RUNX1T1: variants seen among roughly 807,000 people sequenced by gnomAD.
RUNX1T1 encodes protein CBFA2T1.
Under a neutral mutation model 62.8 loss-of-function variants are expected in RUNX1T1, and 4 were observed. That is an observed-to-expected ratio of 0.06 (90% confidence interval 0.03 to 0.15). RUNX1T1 has a LOEUF of 0.15. RUNX1T1 is among the 10% of genes least tolerant of loss of function. RUNX1T1 has a pLI of 1.00. For missense variants in RUNX1T1, 508 were observed against 754.3 expected, an observed-to-expected ratio of 0.67 and a Z score of 3.82; for synonymous variants, 291 against 286.0, an observed-to-expected ratio of 1.02 and a Z score of -0.18.
At chr8:92,039,742 A>G (rs1235339634) in intron 1 of RUNX1T1, among the ~76,000 whole-genome samples, 2 of 152,210 alleles carry the variant, frequency 1.3e-5, no homozygotes, top group African/African-American at 4.8e-5. Flanking sequence ...CCAATTGCTC[A>G]TATCAGAATC....
intron 8 of RUNX1T1, among the ~76,000 whole-genome samples, chr8:91,978,407 C>A (rs982363279): frequency 3.9e-5 from 6 of 152,122 alleles, no homozygotes; most frequent in African/African-American, 1.4e-4. Flanking sequence ...TTGCTATTAT[C>A]CTCATTATTA....
intron 1 of RUNX1T1, among the ~76,000 whole-genome samples, chr8:92,037,583 G>A (rs993318822): frequency 3.3e-5 from 5 of 152,180 alleles, no homozygotes; most frequent in Admixed American, 2.6e-4. Context: ...GGTGGCTAAT[G>A]TGGGAGGACT....
intron 2 of RUNX1T1, among the ~76,000 whole-genome samples, chr8:92,074,426 C>G (rs1834126823): frequency 6.6e-6 from 1 of 152,040 alleles, no homozygotes; most frequent in African/African-American, 2.4e-5. Flanking sequence ...GTCCAATATC[C>G]TTTTTGATTT....
At chr8:92,099,535 C>A in intron 1 of RUNX1T1, 1 of 730,492 alleles carries the variant, frequency 1.4e-6, no homozygotes, top group Non-Finnish European at 1.7e-6. Context: ...AATGCCCAAA[C>A]AGCAACAAAT....
intron 1 of RUNX1T1, among the ~76,000 whole-genome samples, chr8:92,078,527 C>T (rs1204456629): frequency 6.6e-6 from 1 of 151,980 alleles, no homozygotes; most frequent in Non-Finnish European, 1.5e-5. Context: ...AGCAGAATGC[C>T]TCAAACAATT....
At chr8:92,049,051 T>C (rs1487166994) in intron 1 of RUNX1T1, among the ~76,000 whole-genome samples, 5 of 152,178 alleles carry the variant, frequency 3.3e-5, no homozygotes, top group African/African-American at 1.2e-4. Flanking sequence ...AATGTACCTA[T>C]CTCACCTGAT....
At chr8:92,103,356 C>G (rs540589109), upstream of RUNX1T1, 2 of 180,396 alleles carry the variant, frequency 1.1e-5, no homozygotes, top group South Asian at 2.0e-4. Context: ...GCAGGAGCGC[C>G]GCGCGCTGTG....
chr8:91,982,348 G>A (rs1396206433), intron 8 of RUNX1T1, among the ~76,000 whole-genome samples: 1 of 151,608 alleles, frequency 6.6e-6, no homozygotes, highest in Non-Finnish European at 1.5e-5. Flanking sequence ...ATAGTCAAAA[G>A]CCAGTAAAAA....
exon 1 of RUNX1T1, chr8:92,062,903 A>T: frequency 7.6e-7 from 1 of 1,324,350 alleles, no homozygotes; most frequent in Non-Finnish European, 9.7e-7. Flanking sequence ...CAAGTTTCAG[A>T]GCACCAAAAA....
At chr8:91,991,404 A>G (rs1000207248) in intron 6 of RUNX1T1, among the ~76,000 whole-genome samples, 2 of 152,202 alleles carry the variant, frequency 1.3e-5, no homozygotes, top group Admixed American at 6.5e-5. Flanking sequence ...GCCCTCCTCC[A>G]AAGAAATTTA....
chr8:91,991,019 C>G (rs1817566736), intron 6 of RUNX1T1, among the ~76,000 whole-genome samples: 1 of 152,182 alleles, frequency 6.6e-6, no homozygotes, highest in South Asian at 2.1e-4. Context: ...AAATAGAACA[C>G]ATATTTGCCC....
chr8:92,096,622 C>CT (rs1321149807), intron 1 of RUNX1T1, among the ~76,000 whole-genome samples: 1 of 152,146 alleles, frequency 6.6e-6, no homozygotes, highest in Non-Finnish European at 1.5e-5. Flanking sequence ...GGCACTGAAG[C>CT]TTGGTTAAGA....
At chr8:92,088,344 T>C (rs1257808695) in intron 1 of RUNX1T1, among the ~76,000 whole-genome samples, 1 of 152,210 alleles carries the variant, frequency 6.6e-6, no homozygotes, top group Non-Finnish European at 1.5e-5. Flanking sequence ...CCCTGACCTG[T>C]CTTACAGTTC....
At chr8:92,001,413 C>A (rs549214070) in intron 5 of RUNX1T1, among the ~76,000 whole-genome samples, 3 of 152,210 alleles carry the variant, frequency 2.0e-5, no homozygotes, top group Admixed American at 2.0e-4. Context: ...TAAGATCCCT[C>A]CCAGCTGACA....
chr8:92,101,474 A>C (rs1017525329), upstream of RUNX1T1, among the ~76,000 whole-genome samples: 4 of 152,110 alleles, frequency 2.6e-5, no homozygotes, highest in African/African-American at 9.7e-5. Context: ...CTATTCCTTA[A>C]AGCGACCTTC....
At chr8:91,967,278 C>A (rs1183891728) in intron 10 of RUNX1T1, among the ~76,000 whole-genome samples, 1 of 152,142 alleles carries the variant, frequency 6.6e-6, no homozygotes, top group Non-Finnish European at 1.5e-5. Flanking sequence ...TCCCATGAGC[C>A]TGGGATGGCC....
At chr8:92,066,714 T>C (rs746161584), upstream of RUNX1T1, among the ~76,000 whole-genome samples, 4 of 152,222 alleles carry the variant, frequency 2.6e-5, no homozygotes, top group Non-Finnish European at 4.4e-5. Flanking sequence ...GATTGTCCCC[T>C]GACAAAGATA....
upstream of RUNX1T1, among the ~76,000 whole-genome samples, chr8:92,064,011 T>C (rs553093681): frequency 6.6e-6 from 1 of 152,308 alleles, no homozygotes; most frequent in African/African-American, 2.4e-5. Flanking sequence ...ACTTTCCATA[T>C]GCTTTTAGCC....
chr8:92,061,959 TA>T (rs1305188955), intron 1 of RUNX1T1, among the ~76,000 whole-genome samples: 1 of 152,220 alleles, frequency 6.6e-6, no homozygotes, highest in Non-Finnish European at 1.5e-5. Context: ...TGACATGCAC[TA>T]AATTTCCAGG....
Sources: allele counts gnomAD v4.1 joint callset (sites outside exome capture counted in the v4.1 genomes callset), GRCh38; gene constraint gnomAD v4.1.1; transcripts MANE v1.5; gene names NCBI Gene and HGNC (gene_info 2026-07-23, HGNC 2026-07-21).